The following ATP9B variants were observed in gnomAD, a reference collection of about 807,000 sequenced individuals.
The protein encoded by ATP9B is probable phospholipid-transporting ATPase IIB.
Under a neutral mutation model 146.1 loss-of-function variants are expected in ATP9B, and 110 were observed. The observed-to-expected ratio is 0.75, with a 90% CI of 0.65 to 0.88. The LOEUF (loss-of-function observed/expected upper bound fraction) is 0.88. Ranked by LOEUF, ATP9B falls within the 40% of genes least tolerant of loss-of-function variation. ATP9B has a pLI of 0.00. For missense variants in ATP9B, 1,499 were observed against 1,496.4 expected (o/e 1.00, Z -0.03); for synonymous variants, 604 against 569.7 (o/e 1.06, Z -0.86).
At chr18:79,171,169 GC>G (rs1318350614) in intron 7 of ATP9B, among the ~76,000 whole-genome samples, 1 of 152,052 alleles carries the variant, frequency 6.6e-6, no homozygotes, top group African/African-American at 2.4e-5. Context: ...ACTTGATAGA[GC>G]TTTTTTATTA....
chr18:79,105,682 A>T lies in ATP9B; in HGVS notation c.294-4673A>T, dbSNP rs1181291625. On this transcript the variant is annotated intron_variant, in intron 2 of 29. Coordinates refer to ENST00000426216, the MANE Select transcript of ATP9B (RefSeq NM_198531.5). ...TCTGGGTTAATGTCTTTCTCACGAG[A>T]TTTACATTTCACTTGTTATCAAAAA... 2.0e-5 allele frequency among the ~76,000 whole-genome samples: 3 copies of T among 152,172 alleles called. No individual in the cohort carries two copies. In the East Asian group the frequency reaches 5.8e-4, roughly 29 times the overall value.
In ATP9B at chr18:79,367,186, T is replaced by TCCCCTC. The variant is rs2097036592; in HGVS notation, c.3013-5638_3013-5637insCCCTCC. Among the ~76,000 whole-genome samples the TCCCCTC allele has an allele frequency of 9.4e-5, 2 of 21,356 alleles. 1 individual carries two copies. The highest frequency in any genetic ancestry group is 1.4e-3 in the Admixed American group (2 of 1,480). 14.0% of individuals were successfully genotyped at this position (21,356 alleles called of 152,430 possible). A position where few individuals can be genotyped will look rare whatever the true frequency, so the allele number is the denominator to read the frequency against. On this transcript the variant is annotated intron_variant, in intron 26 of 29. Coordinates refer to ENST00000426216, the MANE Select transcript of ATP9B (RefSeq NM_198531.5). ...TCAACCAGAGAGCACACAGATACCTTCACCTCCACCGTGTGTATGCAGAGA... is the reference window on the plus strand; with the variant it reads ...TCAACCAGAGAGCACACAGATACCTTCCCCTCCACCTCCACCGTGTGTATGCAGAGA...
intron 15 of ATP9B, among the ~76,000 whole-genome samples, chr18:79,310,575 G>T (rs1163075646): frequency 1.3e-5 from 2 of 152,164 alleles, no homozygotes; most frequent in Non-Finnish European, 2.9e-5. Context: ...GGAACAACCA[G>T]TAATGTCATT....
intron 1 of ATP9B, among the ~76,000 whole-genome samples, chr18:79,078,338 A>G (rs1428800729): frequency 6.6e-6 from 1 of 152,148 alleles, no homozygotes; most frequent in Non-Finnish European, 1.5e-5. Context: ...AGTACACAAC[A>G]TGGGCATGAG....
intron 11 of ATP9B, among the ~76,000 whole-genome samples, chr18:79,214,930 T>C (rs1474861512): frequency 2.6e-5 from 4 of 152,136 alleles, no homozygotes; most frequent in Non-Finnish European, 5.9e-5. Flanking sequence ...GGTGGGTCAC[T>C]TGGGGCCAGA....
rs184464921 is a variant in ATP9B, at chr18:79,138,264, G to A, written c.668-5538G>A. ...GTTTATTGGAATTATTTTTAGGAAC[G>A]TTTATATGAAATATGTGGATGTTGT... On this transcript the variant is annotated intron_variant, in intron 5 of 29. Coordinates refer to ENST00000426216, the MANE Select transcript of ATP9B (RefSeq NM_198531.5). 3.0e-4 allele frequency among the ~76,000 whole-genome samples: 46 copies of A among 152,222 alleles called. No individual in the cohort carries two copies. In the East Asian group the frequency reaches 7.1e-3, roughly 24 times the overall value.
At chr18:79,085,917 T>A (rs1367173465) in intron 1 of ATP9B, 4 of 152,254 alleles carry the variant, frequency 2.6e-5, no homozygotes, top group Non-Finnish European at 4.4e-5. Flanking sequence ...ATTCTGAGTC[T>A]ATACACAATT....
chr18:79,291,649 A>G lies in ATP9B; in HGVS notation c.1412-11955A>G, dbSNP rs116276586. Reference sequence around the variant, plus strand: ...GGTGTGATTGCATTTATTCACATGGACAGAATAACAAACCCAAAAACTTTA... The same window carrying G: ...GGTGTGATTGCATTTATTCACATGGGCAGAATAACAAACCCAAAAACTTTA... On this transcript the variant is annotated intron_variant, in intron 13 of 29. Coordinates refer to ENST00000426216, the MANE Select transcript of ATP9B (RefSeq NM_198531.5). Among the ~76,000 whole-genome samples the G allele has an allele frequency of 6.6e-3, 1,005 of 152,348 alleles. 6 individuals carry two copies. The highest frequency in any genetic ancestry group is 0.023 in the African/African-American group (940 of 41,572).
chr18:79,214,059 AC>A (rs1568420075), intron 11 of ATP9B, 21 bp downstream of exon 11: 1 of 1,548,492 alleles, frequency 6.5e-7, no homozygotes, highest in East Asian at 2.3e-5. Flanking sequence ...TTGAGGAGCA[AC>A]TGCTTTAATG....
chr18:79,103,776 C>T (rs1348585745), intron 2 of ATP9B, among the ~76,000 whole-genome samples: 2 of 152,010 alleles, frequency 1.3e-5, no homozygotes, highest in African/African-American at 2.4e-5. Flanking sequence ...GTGATGAGTC[C>T]ATCAGGGAAG....
At chr18:79,181,267 G>A (rs1207742609) in intron 8 of ATP9B, among the ~76,000 whole-genome samples, 5 of 152,126 alleles carry the variant, frequency 3.3e-5, no homozygotes, top group South Asian at 2.1e-4. Context: ...TTCTGTGGGC[G>A]TTTGGAAAGT....
At chr18:79,278,265 C>T (rs1368847240) in intron 13 of ATP9B, among the ~76,000 whole-genome samples, 1 of 152,188 alleles carries the variant, frequency 6.6e-6, no homozygotes, top group Non-Finnish European at 1.5e-5. Flanking sequence ...CATAGTCGCT[C>T]GACTTGATGC....
intron 8 of ATP9B, among the ~76,000 whole-genome samples, chr18:79,190,541 CACACATAT>C (rs749840011): frequency 2.3e-4 from 33 of 143,128 alleles, no homozygotes; most frequent in South Asian, 4.9e-4. Flanking sequence ...CACACACACA[CACACATAT>C]ACATATATTT....
intron 7 of ATP9B, among the ~76,000 whole-genome samples, chr18:79,168,165 T>C (rs2095009133): frequency 6.6e-6 from 1 of 152,034 alleles, no homozygotes; most frequent in African/African-American, 2.4e-5. Context: ...CAGAAAGTGG[T>C]TTACGTGGAG....
intron 8 of ATP9B, among the ~76,000 whole-genome samples, chr18:79,185,913 G>A (rs1453074203): frequency 1.3e-5 from 2 of 152,186 alleles, no homozygotes; most frequent in African/African-American, 4.8e-5. Context: ...ACACAGCCAA[G>A]AATAACCTTT....
intron 11 of ATP9B, among the ~76,000 whole-genome samples, chr18:79,222,699 G>A (rs2095692127): frequency 6.6e-6 from 1 of 152,172 alleles, no homozygotes; most frequent in Non-Finnish European, 1.5e-5. Flanking sequence ...TAGTGCTTAT[G>A]ACAGAGAGAT....
chr18:79,365,783 A>G (rs2097023808), intron 26 of ATP9B, among the ~76,000 whole-genome samples: 1 of 149,652 alleles, frequency 6.7e-6, no homozygotes, highest in Non-Finnish European at 1.5e-5. Context: ...CCATGCGTGG[A>G]TGGAGGACAA....
At chr18:79,086,407 G>A (rs1296061436) in intron 1 of ATP9B, 1 of 128,808 alleles carries the variant, frequency 7.8e-6, no homozygotes, top group Admixed American at 9.1e-5. Context: ...CTGCACTCCA[G>A]CCTGGGAGAC....
chr18:79,118,392 T>G lies in ATP9B; in HGVS notation c.558+5038T>G, dbSNP rs936826876. ...ACACAATCATATTGAACGTTTTTGT[T>G]TTTTTTTTTTTTTTTTTTTTTTTTT... is the stretch of plus-strand genomic sequence containing the variant. On this transcript the variant is annotated intron_variant, in intron 4 of 29. Transcript: ENST00000426216. 2.6e-4 allele frequency among the ~76,000 whole-genome samples: 25 copies of G among 94,526 alleles called. 1 individual carries two copies. Among genetic ancestry groups the G allele is most frequent in the East Asian group, 1.4e-3 (4 of 2,806 alleles). 62.0% of individuals were successfully genotyped at this position (94,526 alleles called of 152,430 possible).
Sources: allele counts gnomAD v4.1 joint callset (sites outside exome capture counted in the v4.1 genomes callset), GRCh38; gene constraint gnomAD v4.1.1; transcripts MANE v1.5; gene names NCBI Gene and HGNC (gene_info 2026-07-23, HGNC 2026-07-21).